The following STXBP5L variants were observed in gnomAD, a reference collection of about 807,000 sequenced individuals.
The protein encoded by STXBP5L is syntaxin-binding protein 5-like.
STXBP5L carries 65 observed loss-of-function variants against 144.5 expected under a neutral mutation model. That is an observed-to-expected ratio of 0.45 (90% confidence interval 0.37 to 0.55). STXBP5L has a LOEUF of 0.55. Ranked by LOEUF, STXBP5L falls within the 20% of genes least tolerant of loss-of-function variation. The pLI, the probability that STXBP5L is intolerant of heterozygous loss-of-function variation, is 0.00. For synonymous variants in STXBP5L, 505 were observed against 469.6 expected, an observed-to-expected ratio of 1.08 and a Z score of -0.97; for missense variants, 1,298 against 1,405.5, an observed-to-expected ratio of 0.92 and a Z score of 1.22.
chr3:121,383,963 G>C (rs1230838356), intron 22 of STXBP5L, among the ~76,000 whole-genome samples: 1 of 152,164 alleles, frequency 6.6e-6, no homozygotes. Context: ...GCTGAAGTGA[G>C]TGACATGCTC....
intron 9 of STXBP5L, among the ~76,000 whole-genome samples, chr3:121,166,105 T>A (rs139926625): frequency 5.4e-4 from 82 of 152,186 alleles, no homozygotes; most frequent in African/African-American, 1.9e-3. Flanking sequence ...AACCTCTGCC[T>A]CTTGGACTCA....
intron 4 of STXBP5L, among the ~76,000 whole-genome samples, chr3:121,042,702 C>T (rs1190274527): frequency 6.6e-6 from 1 of 151,938 alleles, no homozygotes; most frequent in African/African-American, 2.4e-5. Context: ...AGAGGTAACC[C>T]AAGGCAAGAA....
At chr3:121,134,795 C>A (rs1468224125) in intron 7 of STXBP5L, among the ~76,000 whole-genome samples, 1 of 152,124 alleles carries the variant, frequency 6.6e-6, no homozygotes, top group African/African-American at 2.4e-5. Flanking sequence ...TTTCTTAATC[C>A]AGTCTATCAT....
intron 3 of STXBP5L, among the ~76,000 whole-genome samples, chr3:120,998,764 C>T (rs1346700530): frequency 1.3e-5 from 2 of 152,118 alleles, no homozygotes; most frequent in Non-Finnish European, 2.9e-5. Context: ...CATTCCTCTT[C>T]ACAATAGCCA....
At chr3:120,960,180 A>C (rs965364267) in intron 3 of STXBP5L, among the ~76,000 whole-genome samples, 2 of 152,264 alleles carry the variant, frequency 1.3e-5, no homozygotes, top group African/African-American at 4.8e-5. Flanking sequence ...ACTGGGCAAC[A>C]GAGAAATGCA....
chr3:121,094,034 GT>G (rs1343608214), intron 5 of STXBP5L, among the ~76,000 whole-genome samples: 1 of 152,132 alleles, frequency 6.6e-6, no homozygotes, highest in Admixed American at 6.5e-5. Context: ...TATGTGCCCA[GT>G]AGTCATTCAG....
At chr3:121,131,624 G>A (rs535618021) in intron 7 of STXBP5L, among the ~76,000 whole-genome samples, 1 of 152,234 alleles carries the variant, frequency 6.6e-6, no homozygotes, top group South Asian at 2.1e-4. Context: ...CCCCTGTTCT[G>A]AGTATAGTTT....
intron 20 of STXBP5L, among the ~76,000 whole-genome samples, chr3:121,333,915 C>T (rs910956447): frequency 6.6e-6 from 1 of 151,984 alleles, no homozygotes; most frequent in African/African-American, 2.4e-5. Flanking sequence ...TGTGTCCCCA[C>T]CCAGATCTCA....
chr3:121,412,932 G>A (rs1418952026), intron 23 of STXBP5L, among the ~76,000 whole-genome samples: 1 of 151,936 alleles, frequency 6.6e-6, no homozygotes. Flanking sequence ...TACTCAGGAG[G>A]CTGAGGCGTG....
At chr3:121,095,886 T>C (rs922042418) in intron 5 of STXBP5L, among the ~76,000 whole-genome samples, 20 of 152,166 alleles carry the variant, frequency 1.3e-4, no homozygotes, top group Non-Finnish European at 2.5e-4. Flanking sequence ...ATTTAGCTTT[T>C]CCCCTCTGTT....
At chr3:121,090,555 C>T (rs2042728071) in intron 5 of STXBP5L, among the ~76,000 whole-genome samples, 2 of 152,164 alleles carry the variant, frequency 1.3e-5, no homozygotes, top group East Asian at 1.9e-4. Flanking sequence ...GCTTTTGCTC[C>T]TGTGGAACAG....
chr3:121,114,469 TATA>T (rs1347744555), intron 5 of STXBP5L, among the ~76,000 whole-genome samples: 6 of 152,146 alleles, frequency 3.9e-5, no homozygotes, highest in Non-Finnish European at 8.8e-5. Flanking sequence ...GTTTACGAAA[TATA>T]ATATGAAATT....
At chr3:121,080,978 T>A (rs1192893006) in intron 5 of STXBP5L, among the ~76,000 whole-genome samples, 3 of 152,222 alleles carry the variant, frequency 2.0e-5, no homozygotes, top group African/African-American at 7.2e-5. Context: ...AGATTTTTCT[T>A]CTTCCTCAGG....
chr3:121,342,172 G>A (rs2108585166), intron 20 of STXBP5L, among the ~76,000 whole-genome samples: 1 of 152,090 alleles, frequency 6.6e-6, no homozygotes, highest in Non-Finnish European at 1.5e-5. Flanking sequence ...ACAGACAAGT[G>A]AACCTGCACA....
At chr3:121,219,559 C>G (rs1435095006) in intron 10 of STXBP5L, among the ~76,000 whole-genome samples, 1 of 152,042 alleles carries the variant, frequency 6.6e-6, no homozygotes, top group Non-Finnish European at 1.5e-5. Context: ...ACTGACACTC[C>G]AACTAAGATG....
chr3:121,015,048 G>T (rs575415712), intron 3 of STXBP5L, among the ~76,000 whole-genome samples: 2 of 152,094 alleles, frequency 1.3e-5, no homozygotes, highest in African/African-American at 2.4e-5. Context: ...GATCATGTTT[G>T]TGTGTTGAAT....
intron 19 of STXBP5L, among the ~76,000 whole-genome samples, chr3:121,284,430 G>A (rs1168632737): frequency 6.6e-6 from 1 of 152,034 alleles, no homozygotes; most frequent in African/African-American, 2.4e-5. Context: ...GTCCAGGTTT[G>A]TACACAGTAC....
intron 19 of STXBP5L, among the ~76,000 whole-genome samples, chr3:121,304,506 T>A (rs762124671): frequency 2.0e-5 from 3 of 152,102 alleles, no homozygotes; most frequent in Non-Finnish European, 2.9e-5. Flanking sequence ...TAATTGAAAT[T>A]AAATAGAATG....
At chr3:121,050,100 T>G (rs1426833612) in intron 5 of STXBP5L, among the ~76,000 whole-genome samples, 1 of 152,184 alleles carries the variant, frequency 6.6e-6, no homozygotes, top group Non-Finnish European at 1.5e-5. Context: ...TGGGTGATGC[T>G]GTTTCCCTGA....
Sources: gnomAD v4.1 joint callset for allele counts (sites outside exome capture counted in the v4.1 genomes callset) on GRCh38, gnomAD v4.1.1 for gene constraint, MANE v1.5 for transcripts, NCBI Gene and HGNC (gene_info 2026-07-23, HGNC 2026-07-21) for gene names.